GLIS3: variants seen among roughly 807,000 people sequenced by gnomAD.
GLIS3 encodes the protein GLIS family zinc finger 3.
A neutral mutation model predicts 78.6 loss-of-function variants in GLIS3; 53 were observed. That is an observed-to-expected ratio of 0.67 (90% confidence interval 0.54 to 0.85). The LOEUF (loss-of-function observed/expected upper bound fraction) is 0.85, where lower values mean the gene tolerates loss of function less well. Ranked by LOEUF, GLIS3 falls within the 40% of genes least tolerant of loss-of-function variation. The pLI, the probability that GLIS3 is intolerant of heterozygous loss-of-function variation, is 0.00. For missense variants in GLIS3, 1,703 were observed against 1,231.1 expected (o/e 1.38, Z -5.74); for synonymous variants, 684 against 509.9 (o/e 1.34, Z -4.60).
chr9:4,466,386 T>C, the GLIS3 span, among the ~76,000 whole-genome samples: 1 of 152,156 alleles, frequency 6.6e-6, no homozygotes, highest in South Asian at 2.1e-4. Context: ...AAGGTTATAA[T>C]CCTACACACA....
chr9:4,353,232 C>G (rs1297852708), upstream of GLIS3, among the ~76,000 whole-genome samples: 1 of 152,198 alleles, frequency 6.6e-6, no homozygotes, highest in Non-Finnish European at 1.5e-5. Flanking sequence ...CTGTACCCTA[C>G]CAGCCAGGCA....
chr9:4,351,508 A>T (rs1425444679), upstream of GLIS3, among the ~76,000 whole-genome samples: 2 of 152,028 alleles, frequency 1.3e-5, no homozygotes, highest in Non-Finnish European at 2.9e-5. Context: ...AAAACACAAA[A>T]ATATCTTTCT....
Position 3,887,041 on chromosome 9 carries a change from C to T in GLIS3, c.2129-7446G>A, listed in dbSNP as rs1588153407. On this transcript the variant is annotated intron_variant, in intron 7 of 10. Transcript: ENST00000381971. ...GTAGCTTCTTAAGGGTTGGCACAGTCATCTCTCTAATCTTTCCCTTCTCCT... is the reference window on the plus strand; with the variant it reads ...GTAGCTTCTTAAGGGTTGGCACAGTTATCTCTCTAATCTTTCCCTTCTCCT... Among the ~76,000 whole-genome samples the T allele has an allele frequency of 2.0e-5, 3 of 152,206 alleles. No individual in the cohort carries two copies. In the South Asian group the frequency reaches 6.2e-4, roughly 32 times the overall value.
chr9:3,969,576 T>C (rs115380985), intron 4 of GLIS3, among the ~76,000 whole-genome samples: 1 of 152,332 alleles, frequency 6.6e-6, no homozygotes, highest in African/African-American at 2.4e-5. Flanking sequence ...AAGTGATTGT[T>C]GTTTATAGTA....
intron 2 of GLIS3, among the ~76,000 whole-genome samples, chr9:4,280,445 C>A (rs777810039): frequency 6.6e-6 from 1 of 152,068 alleles, no homozygotes; most frequent in Non-Finnish European, 1.5e-5. Flanking sequence ...ATTTGGAGGT[C>A]ACAATGTCTG....
chr9:4,481,515 A>AGTGTGTGTGTGT, the GLIS3 span, among the ~76,000 whole-genome samples: 13 of 147,474 alleles, frequency 8.8e-5, no homozygotes, highest in African/African-American at 1.5e-4. Flanking sequence ...TAAAAACATA[A>AGTGTGTGTGTGT]GTGTGTGTGT....
chr9:4,374,578 C>T, the GLIS3 span, among the ~76,000 whole-genome samples: 9 of 152,246 alleles, frequency 5.9e-5, no homozygotes, highest in Non-Finnish European at 1.5e-5. Flanking sequence ...ACATCCCTTT[C>T]TTGGGGAACT....
intron 9 of GLIS3, among the ~76,000 whole-genome samples, chr9:3,843,974 C>G (rs146414423): frequency 6.6e-6 from 1 of 152,068 alleles, no homozygotes; most frequent in Non-Finnish European, 1.5e-5. Flanking sequence ...AAAGACCTCA[C>G]GAAAGAATGA....
the GLIS3 span, among the ~76,000 whole-genome samples, chr9:4,405,762 AT>A: frequency 8.6e-5 from 13 of 151,896 alleles, no homozygotes; most frequent in Non-Finnish European, 1.8e-4. Context: ...ACAAAGACAC[AT>A]TAAAAAAAAA....
chr9:4,221,783 G>C (rs1488143296), intron 2 of GLIS3, among the ~76,000 whole-genome samples: 2 of 152,274 alleles, frequency 1.3e-5, no homozygotes, highest in East Asian at 1.9e-4. Context: ...GAAAGAAAGA[G>C]GCCACAACTT....
intron 7 of GLIS3, among the ~76,000 whole-genome samples, chr9:3,882,021 T>G (rs1158042659): frequency 6.6e-6 from 1 of 152,224 alleles, no homozygotes; most frequent in African/African-American, 2.4e-5. Context: ...TTCATTACAT[T>G]TGCTCTATAT....
chr9:4,253,906 C>T (rs1433362755), intron 2 of GLIS3, among the ~76,000 whole-genome samples: 2 of 152,150 alleles, frequency 1.3e-5, no homozygotes, highest in African/African-American at 2.4e-5. Flanking sequence ...GACGCCCCAC[C>T]CTGCTTCAAC....
the GLIS3 span, among the ~76,000 whole-genome samples, chr9:4,392,355 A>T: frequency 6.6e-6 from 1 of 152,202 alleles, no homozygotes; most frequent in Non-Finnish European, 1.5e-5. Context: ...ACGTTTGCCT[A>T]TGTAACCTGC....
intron 4 of GLIS3, among the ~76,000 whole-genome samples, chr9:4,056,258 C>G (rs1409069162): frequency 1.3e-5 from 2 of 152,196 alleles, no homozygotes; most frequent in Admixed American, 1.3e-4. Context: ...TAAGGACCAA[C>G]CTTGAAGACA....
At chr9:3,973,463 A>G (rs1012425786) in intron 4 of GLIS3, among the ~76,000 whole-genome samples, 2 of 152,134 alleles carry the variant, frequency 1.3e-5, no homozygotes, top group African/African-American at 4.8e-5. Context: ...TGGTGTGGCC[A>G]GCTCCCAAAT....
chr9:4,078,813 A>G (rs1345132788), intron 4 of GLIS3, among the ~76,000 whole-genome samples: 4 of 152,166 alleles, frequency 2.6e-5, no homozygotes, highest in African/African-American at 4.8e-5. Flanking sequence ...TGAAACTACT[A>G]TGAATGTGTT....
chr9:4,454,576 C>A, the GLIS3 span, among the ~76,000 whole-genome samples: 2 of 152,142 alleles, frequency 1.3e-5, no homozygotes, highest in African/African-American at 4.8e-5. Context: ...AAGGGTAAAT[C>A]TAGGAGATAC....
chr9:3,914,923 C>G (rs774775429), intron 6 of GLIS3, among the ~76,000 whole-genome samples: 1 of 152,018 alleles, frequency 6.6e-6, no homozygotes, highest in Non-Finnish European at 1.5e-5. Flanking sequence ...AGAGCTTGCC[C>G]GTGGTGTTAT....
At chr9:3,870,069 T>C (rs1409284375) in intron 8 of GLIS3, among the ~76,000 whole-genome samples, 1 of 152,164 alleles carries the variant, frequency 6.6e-6, no homozygotes, top group African/African-American at 2.4e-5. Context: ...TCAGACTGGT[T>C]TGGGTAGAGC....
Sources: gnomAD v4.1 joint callset for allele counts (sites outside exome capture counted in the v4.1 genomes callset) on GRCh38, gnomAD v4.1.1 for gene constraint, MANE v1.5 for transcripts, NCBI Gene and HGNC (gene_info 2026-07-23, HGNC 2026-07-21) for gene names.